ANAPC16: variants seen among roughly 807,000 people sequenced by gnomAD.
The protein encoded by ANAPC16 is anaphase promoting complex subunit 16.
In ANAPC16, 6 loss-of-function variants were observed where a neutral mutation model predicts 13.1. That is an observed-to-expected ratio of 0.46 (90% CI 0.25 to 0.90). The LOEUF (loss-of-function observed/expected upper bound fraction) is 0.90. Ranked by LOEUF, ANAPC16 falls within the 40% of genes least tolerant of loss-of-function variation. The pLI, the probability that ANAPC16 is intolerant of heterozygous loss-of-function variation, is 0.18. For missense variants in ANAPC16, 113 were observed against 131.1 expected (o/e 0.86, Z 0.67); for synonymous variants, 55 against 51.3 (o/e 1.07, Z -0.31).
rs140956816 is a variant in ANAPC16 at position 72,230,409 on chromosome 10, A to G, written c.186A>G (p.Gln62=). 1.4e-5 allele frequency: 22 copies of G among 1,614,028 alleles called. No homozygotes were observed. In the African/African-American group the frequency reaches 1.9e-4, roughly 14 times the overall value. The stretch of plus-strand genomic sequence containing the variant: ...TCTGCGAATCTGTTTTTAGCTATCA[A>G]GTGGCATCCACGCTTAAACAGGTGA... ...RFLCESVFSY[Q]VASTLKQVKH... Residue 62 remains glutamine (Q), a synonymous_variant, in exon 3 of 4, where the codon CAA becomes CAG. Transcript: ENST00000299381.
intron 2 of ANAPC16, among the ~76,000 whole-genome samples, chr10:72,226,544 G>A (rs1860128535): frequency 1.3e-5 from 2 of 151,870 alleles, no homozygotes; most frequent in Admixed American, 1.3e-4. Context: ...GTGGTGGCAC[G>A]TGGCTGTAGT....
At chr10:72,222,290 C>T (rs578210645) in intron 1 of ANAPC16, among the ~76,000 whole-genome samples, 102 of 150,812 alleles carry the variant, frequency 6.8e-4, no homozygotes, top group African/African-American at 2.4e-3. Context: ...TGGTGGCACG[C>T]GCCTGTAGTC....
At chr10:72,225,988 A>G (rs1860111018) in intron 2 of ANAPC16, among the ~76,000 whole-genome samples, 2 of 151,008 alleles carry the variant, frequency 1.3e-5, no homozygotes, top group South Asian at 2.1e-4. Flanking sequence ...GCTTAATTAT[A>G]TATTGATCTT....
intron 1 of ANAPC16, among the ~76,000 whole-genome samples, chr10:72,218,864 T>G (rs1859781941): frequency 6.6e-6 from 1 of 152,210 alleles, no homozygotes; most frequent in Non-Finnish European, 1.5e-5. Context: ...TGCTCCAGTT[T>G]TCAACCCTGG....
At chr10:72,220,487 A>G (rs1859875645) in intron 1 of ANAPC16, 4 of 151,788 alleles carry the variant, frequency 2.6e-5, no homozygotes, top group Admixed American at 2.6e-4. Flanking sequence ...AGTTGTCTCT[A>G]CTAAAAGTAA....
At chr10:72,229,196 C>T (rs1860216959) in intron 2 of ANAPC16, among the ~76,000 whole-genome samples, 1 of 150,144 alleles carries the variant, frequency 6.7e-6, no homozygotes, top group African/African-American at 2.4e-5. Flanking sequence ...GTATACATCC[C>T]AATAATTATA....
rs1322598745 is a variant in ANAPC16 at position 72,230,331 on chromosome 10, G to A, written c.143-35G>A. ...TTTATCAGAAGCCATAAAACCTTTA[G>A]AGCAGATTAAAACCTTTTCTCCTTT... On this transcript the variant is annotated intron_variant, in intron 2 of 3. Coordinates refer to ENST00000299381, the MANE Select transcript of ANAPC16 (RefSeq NM_173473.4). 3.2e-6 allele frequency: 5 copies of A among 1,551,832 alleles called. No individual in the cohort carries two copies. In the African/African-American group the frequency reaches 6.8e-5, roughly 21 times the overall value.
rs867702468 is a variant in ANAPC16, at chr10:72,233,196, A to C, written c.*80A>C. On this transcript the variant is annotated 3_prime_UTR_variant, in exon 4 of 4. Transcript: ENST00000299381. Reference sequence around the variant, plus strand: ...TTTCTCACAGCTTACATAGCCATCCAGAGATCCACAGCTACGTCACTGAAT... The same window carrying C: ...TTTCTCACAGCTTACATAGCCATCCCGAGATCCACAGCTACGTCACTGAAT... The C allele has an allele frequency of 5.7e-5, 58 of 1,023,210 alleles. No homozygotes were observed. The African/African-American group carries it at 8.7e-4, about 15-fold the overall frequency. 63.4% of individuals were successfully genotyped at this position (1,023,210 alleles called of 1,614,324 possible). A position where few individuals can be genotyped will look rare whatever the true frequency, so the allele number is the denominator to read the frequency against.
At position 72,233,338 on chromosome 10, in the gene ANAPC16, G is replaced by A. The variant is rs1262102431; in HGVS notation, c.*222G>A. ...TTGTTTTTAAAAGTATTGGGAATCA[G>A]ATTAAGACAATCAGTTTCAGAGAAC... On this transcript the variant is annotated 3_prime_UTR_variant, in exon 4 of 4. Coordinates refer to ENST00000299381, the MANE Select transcript of ANAPC16 (RefSeq NM_173473.4). The A allele has an allele frequency of 4.7e-5, 22 of 468,452 alleles. No homozygotes were observed. The highest frequency in any genetic ancestry group is 8.5e-5 in the Non-Finnish European group (22 of 259,090). The allele number at this position is 468,452 out of a possible 1,614,324, so 29.0% of individuals were successfully genotyped here.
At chr10:72,221,163 A>G (rs1163067641) in intron 1 of ANAPC16, among the ~76,000 whole-genome samples, 4 of 152,104 alleles carry the variant, frequency 2.6e-5, no homozygotes, top group Non-Finnish European at 5.9e-5. Context: ...TGATCTGCCC[A>G]CCTTGGCCTC....
rs150377726 is a variant in ANAPC16, at chr10:72,233,321, A to G, written c.*205A>G. ...GGGAATGTTTTGTTTATTTGTTTTTAAAAGTATTGGGAATCAGATTAAGAC... is the reference window on the plus strand; with the variant it reads ...GGGAATGTTTTGTTTATTTGTTTTTGAAAGTATTGGGAATCAGATTAAGAC... On this transcript the variant is annotated 3_prime_UTR_variant, in exon 4 of 4. Coordinates refer to ENST00000299381, the MANE Select transcript of ANAPC16 (RefSeq NM_173473.4). The G allele has an allele frequency of 1.9e-5, 10 of 525,250 alleles. No homozygotes were observed. Among genetic ancestry groups the G allele is most frequent in the African/African-American group, 1.7e-4 (9 of 52,648 alleles). 32.5% of individuals were successfully genotyped at this position (525,250 alleles called of 1,614,324 possible).
At chr10:72,224,311 C>G (rs766686030) in intron 2 of ANAPC16, among the ~76,000 whole-genome samples, 2 of 151,944 alleles carry the variant, frequency 1.3e-5, no homozygotes, top group Non-Finnish European at 2.9e-5. Flanking sequence ...GTGATTTGAC[C>G]AGGTTAAAGG....
chr10:72,223,217 C>T (rs1371156456), intron 1 of ANAPC16: 1 of 151,496 alleles, frequency 6.6e-6, no homozygotes, highest in Non-Finnish European at 1.5e-5. Context: ...CGTCCACCAC[C>T]ACGCCCTGCT....
At chr10:72,224,732 T>A (rs1360618487) in intron 2 of ANAPC16, among the ~76,000 whole-genome samples, 1 of 152,168 alleles carries the variant, frequency 6.6e-6, no homozygotes, top group African/African-American at 2.4e-5. Flanking sequence ...ATGTATTTTT[T>A]TCTAGGGTGA....
intron 2 of ANAPC16, among the ~76,000 whole-genome samples, chr10:72,224,498 G>A (rs1007937840): frequency 7.2e-5 from 11 of 151,790 alleles, no homozygotes; most frequent in African/African-American, 1.7e-4. Flanking sequence ...CTGTAATCCC[G>A]GCTACTGGGG....
chr10:72,221,380 A>C (rs1859925116), intron 1 of ANAPC16, among the ~76,000 whole-genome samples: 1 of 152,038 alleles, frequency 6.6e-6, no homozygotes, highest in Non-Finnish European at 1.5e-5. Flanking sequence ...CTTAAATTTT[A>C]ATTAATATTA....
At position 72,216,988 on chromosome 10, in the gene ANAPC16, G is replaced by C. The variant is rs1433949511; in HGVS notation, c.-28+850G>C. 2.9e-5 allele frequency: 13 copies of C among 455,290 alleles called. No individual in the cohort carries two copies. The Admixed American group carries it at 3.1e-4, about 11-fold the overall frequency. The allele number at this position is 455,290 out of a possible 1,614,324, so 28.2% of individuals were successfully genotyped here. On this transcript the variant is annotated intron_variant, in intron 1 of 3. Coordinates refer to ENST00000299381, the MANE Select transcript of ANAPC16 (RefSeq NM_173473.4). ...AATGATCCAATACTCATGACACAGC[G>C]CTTCTCTATCTCCTGCATGACCTTT...
chr10:72,217,071 T>C (rs1859482543), intron 1 of ANAPC16: 3 of 453,966 alleles, frequency 6.6e-6, no homozygotes, highest in South Asian at 3.1e-5. Context: ...TCCGAAATGC[T>C]CGGGACTGGA....
intron 1 of ANAPC16, among the ~76,000 whole-genome samples, chr10:72,216,536 G>T (rs1381504418): frequency 2.1e-5 from 3 of 144,524 alleles, no homozygotes; most frequent in African/African-American, 7.8e-5. Context: ...TTGTAATCCA[G>T]CTGTTTTGAA....
Sources: gnomAD v4.1 joint callset for allele counts (sites outside exome capture counted in the v4.1 genomes callset) on GRCh38, gnomAD v4.1.1 for gene constraint, MANE v1.5 for transcripts, NCBI Gene and HGNC (gene_info 2026-07-23, HGNC 2026-07-21) for gene names.